ARHGAP8: variants seen among roughly 807,000 people sequenced by gnomAD.
ARHGAP8 encodes the protein Rho GTPase activating protein 8.
A neutral mutation model predicts 46.1 loss-of-function variants in ARHGAP8; 62 were observed. That is an observed-to-expected ratio of 1.34 (90% CI 1.10 to 1.66). The LOEUF (loss-of-function observed/expected upper bound fraction) is 1.66, where lower values mean the gene tolerates loss of function less well. ARHGAP8 is among the 40% of genes most tolerant of loss of function. The pLI is 0.00. For missense variants in ARHGAP8, 923 were observed against 568.4 expected (o/e 1.62, Z -6.34); for synonymous variants, 375 against 243.1 (o/e 1.54, Z -5.05).
intron 1 of ARHGAP8, among the ~76,000 whole-genome samples, chr22:44,760,288 G>T (rs1925031359): frequency 6.6e-6 from 1 of 152,136 alleles, no homozygotes; most frequent in Non-Finnish European, 1.5e-5. Context: ...CTTTTTATGG[G>T]ATGCCACTGG....
chr22:44,857,421 G>A (rs914903367), intron 10 of ARHGAP8, among the ~76,000 whole-genome samples: 1 of 152,040 alleles, frequency 6.6e-6, no homozygotes, highest in African/African-American at 2.4e-5. Context: ...CCTGTTGCTT[G>A]GACTAACAAA....
chr22:44,809,911 A>G (rs968493401), intron 4 of ARHGAP8: 2 of 152,248 alleles, frequency 1.3e-5, no homozygotes, highest in African/African-American at 4.8e-5. Context: ...TGCTGTCATT[A>G]TCAATAGGAC....
chr22:44,859,082 TA>T (rs56340244), intron 10 of ARHGAP8, among the ~76,000 whole-genome samples: 9,134 of 151,880 alleles, frequency 0.06, 385 homozygotes, highest in Non-Finnish European at 0.094. Flanking sequence ...ACCCCTGGTC[TA>T]GACCACTCCC....
At position 44,796,994 on chromosome 22, in the gene ARHGAP8, G is replaced by C. The variant is rs533692415; in HGVS notation, c.80-5083G>C. On this transcript the variant is annotated intron_variant, in intron 2 of 11. Transcript: ENST00000356099. ...TGGGTGTGGCTGCCAGGGCTCCCAC[G>C]GTTCTTGTGGGGCTGGGCATAGACC... 2.0e-5 allele frequency among the ~76,000 whole-genome samples: 3 copies of C among 152,234 alleles called. 1 individual carries two copies. In the East Asian group the frequency reaches 5.8e-4, roughly 30 times the overall value.
intron 1 of ARHGAP8, among the ~76,000 whole-genome samples, chr22:44,779,564 A>ATTTTTTTTT (rs132489): frequency 1.6e-5 from 2 of 126,268 alleles, no homozygotes; most frequent in African/African-American, 6.1e-5. Flanking sequence ...CAGTTTGAGG[A>ATTTTTTTTT]TTTTTTTTTT....
chr22:44,862,495 C>G lies in ARHGAP8; in HGVS notation c.1202C>G (p.Ala401Gly). The G allele has an allele frequency of 6.2e-7, 1 of 1,613,648 alleles. No homozygotes were observed. Among genetic ancestry groups the G allele is most frequent in the Non-Finnish European group, 8.5e-7 (1 of 1,179,674 alleles). The change falls in exon 12 of 12, where the codon GCA becomes GGA. Residue 401 changes from alanine to glycine, a missense_variant. Physicochemically the swap from Ala to Gly is moderately conservative, Grantham distance 60 (BLOSUM62 0). Coordinates refer to ENST00000356099, the MANE Select transcript of ARHGAP8 (RefSeq NM_181335.3). ...GLAPWEQGSR[A>G]APLQEAVPRT... ...GCACCATGGGAACAGGGGAGCAGGG[C>G]AGCCCCTTTGCAGGAGGCTGTGCCA...
chr22:44,823,430 T>C (rs951895184), intron 6 of ARHGAP8, among the ~76,000 whole-genome samples: 9 of 151,840 alleles, frequency 5.9e-5, no homozygotes, highest in African/African-American at 1.9e-4. Flanking sequence ...TGCAAACATA[T>C]GGGTGAAATA....
intron 1 of ARHGAP8, among the ~76,000 whole-genome samples, chr22:44,759,901 C>T (rs537532909): frequency 2.0e-5 from 3 of 152,366 alleles, no homozygotes; most frequent in Non-Finnish European, 4.4e-5. Context: ...GAATGATCAC[C>T]TGGGTGCCCT....
intron 7 of ARHGAP8, among the ~76,000 whole-genome samples, chr22:44,829,288 C>G (rs1930769018): frequency 6.9e-6 from 1 of 145,362 alleles, no homozygotes. Flanking sequence ...GAGACTCCCT[C>G]TCAAAAAAGA....
At position 44,808,087 on chromosome 22, in the gene ARHGAP8, T is replaced by C. The variant is rs557256677; in HGVS notation, c.168-220T>C. On this transcript the variant is annotated intron_variant, in intron 3 of 11. Transcript: ENST00000356099. ...ACGGGCAACAATCTGGCCTACCACATCCACTTACTAGCTGTGTGACTTTAG... is the reference window on the plus strand; with the variant it reads ...ACGGGCAACAATCTGGCCTACCACACCCACTTACTAGCTGTGTGACTTTAG... Among the ~76,000 whole-genome samples, 8 of 152,324 alleles carry C rather than the reference T, an allele frequency of 5.3e-5. No individual in the cohort carries two copies. The South Asian group carries it at 1.4e-3, about 28-fold the overall frequency.
At chr22:44,815,190 G>T (rs1929647422) in intron 5 of ARHGAP8, among the ~76,000 whole-genome samples, 1 of 152,200 alleles carries the variant, frequency 6.6e-6, no homozygotes, top group Non-Finnish European at 1.5e-5. Context: ...GTTCCCAGCT[G>T]CCCTCTCCGG....
At chr22:44,848,834 C>G in intron 9 of ARHGAP8, 98 bp from the exon 10 acceptor site, 1 of 1,569,202 alleles carries the variant, frequency 6.4e-7, no homozygotes, top group Non-Finnish European at 8.6e-7. Context: ...AGGTGCGTCC[C>G]ATCCGGACAT....
At chr22:44,818,623 A>G (rs1929919419) in intron 5 of ARHGAP8, among the ~76,000 whole-genome samples, 1 of 152,230 alleles carries the variant, frequency 6.6e-6, no homozygotes, top group African/African-American at 2.4e-5. Flanking sequence ...TGACAAGGCT[A>G]TTTAAGTCAT....
At chr22:44,762,626 G>C (rs865826237) in intron 1 of ARHGAP8, among the ~76,000 whole-genome samples, 1 of 148,378 alleles carries the variant, frequency 6.7e-6, no homozygotes, top group East Asian at 2.0e-4. Flanking sequence ...TCACTGCAGC[G>C]TCCACCTCTC....
intron 7 of ARHGAP8, among the ~76,000 whole-genome samples, chr22:44,828,861 G>A (rs1431784766): frequency 6.6e-6 from 1 of 152,124 alleles, no homozygotes; most frequent in Non-Finnish European, 1.5e-5. Context: ...ATGTGCTGTG[G>A]CACACAGGGT....
chr22:44,767,875 A>C (rs2147003965), intron 1 of ARHGAP8, among the ~76,000 whole-genome samples: 1 of 148,952 alleles, frequency 6.7e-6, no homozygotes, highest in Admixed American at 6.8e-5. Flanking sequence ...CCCATCTCAA[A>C]AAAAAAAAAA....
intron 7 of ARHGAP8, among the ~76,000 whole-genome samples, chr22:44,841,724 T>G (rs916596498): frequency 1.3e-5 from 2 of 152,218 alleles, no homozygotes; most frequent in Non-Finnish European, 2.9e-5. Flanking sequence ...AAGTAGCCTC[T>G]TGACATGCCA....
At chr22:44,861,869 G>A (rs953018608) in intron 11 of ARHGAP8, among the ~76,000 whole-genome samples, 8 of 152,224 alleles carry the variant, frequency 5.3e-5, no homozygotes, top group African/African-American at 1.9e-4. Context: ...CCTCGTAGTG[G>A]CCCCTAGATG....
chr22:44,766,205 CAG>C, intron 1 of ARHGAP8: 1 of 152,808 alleles, frequency 6.5e-6, no homozygotes, highest in South Asian at 2.1e-4. Flanking sequence ...TGTGGAAAAA[CAG>C]AGGACCAAAG....
Sources: gnomAD v4.1 joint callset for allele counts (sites outside exome capture counted in the v4.1 genomes callset) on GRCh38, gnomAD v4.1.1 for gene constraint, MANE v1.5 for transcripts, NCBI Gene and HGNC (gene_info 2026-07-23, HGNC 2026-07-21) for gene names.